The following RSRP1 variants were observed in gnomAD, a reference collection of about 807,000 sequenced individuals.
RSRP1 encodes the protein arginine and serine rich protein 1.
Under a neutral mutation model 33.0 loss-of-function variants are expected in RSRP1, and 37 were observed. That is an observed-to-expected ratio of 1.12 (90% CI 0.86 to 1.48). RSRP1 has a LOEUF of 1.48. Ranked by LOEUF, RSRP1 falls within the 40% of genes most tolerant of loss-of-function variation. The pLI, the probability that RSRP1 is intolerant of heterozygous loss-of-function variation, is 0.00. For synonymous variants in RSRP1, 167 were observed against 158.7 expected, an observed-to-expected ratio of 1.05 and a Z score of -0.40; for missense variants, 402 against 385.3, an observed-to-expected ratio of 1.04 and a Z score of -0.36.
chr1:25,254,825 T>C (rs1335424657), intron 1 of RSRP1, among the ~76,000 whole-genome samples: 1 of 152,200 alleles, frequency 6.6e-6, no homozygotes, highest in Non-Finnish European at 1.5e-5. Context: ...GATATGTATT[T>C]GTCAATATTA....
rs546926765 is a variant in RSRP1 at position 25,328,949 on chromosome 1, G to C, written c.-67+9029C>G. 1.1e-4 allele frequency: 148 copies of C among 1,318,486 alleles called. 13 individuals carry two copies. The African/African-American group carries it at 1.9e-3, about 17-fold the overall frequency. 81.7% of individuals were successfully genotyped at this position (1,318,486 alleles called of 1,614,324 possible). A position where few individuals can be genotyped will look rare whatever the true frequency, so the allele number is the denominator to read the frequency against. Reference sequence around the variant, plus strand: ...AGCAAAAGCATCCAAGAAAAACAAGGCCTGTTCAAAAACAAGACAACTTCC... The same window carrying C: ...AGCAAAAGCATCCAAGAAAAACAAGCCCTGTTCAAAAACAAGACAACTTCC... On this transcript the variant is annotated intron_variant, in intron 1 of 1. Coordinates refer to the RSRP1 transcript ENST00000561867.
chr1:25,321,378 C>T (rs1644689778), intron 1 of RSRP1, among the ~76,000 whole-genome samples: 1 of 122,872 alleles, frequency 8.1e-6, no homozygotes, highest in Non-Finnish European at 1.9e-5. Context: ...TCTACAGAAT[C>T]GGCCAGGTGT....
At chr1:25,252,809 AC>A (rs1356673886) in intron 1 of RSRP1, among the ~76,000 whole-genome samples, 1 of 151,898 alleles carries the variant, frequency 6.6e-6, no homozygotes, top group Non-Finnish European at 1.5e-5. Flanking sequence ...TGCTGGGATT[AC>A]AGGCATGAGC....
chr1:25,255,822 C>G (rs974805004), intron 1 of RSRP1, among the ~76,000 whole-genome samples: 1 of 152,100 alleles, frequency 6.6e-6, no homozygotes, highest in Non-Finnish European at 1.5e-5. Context: ...ACAGAGTTCG[C>G]TCCTGTGGGA....
At position 25,286,871 on chromosome 1, in the gene RSRP1, T is replaced by TTACCTGAGGTCAGGAGTCCGAGACC. The variant is rs1642062720; in HGVS notation, c.-66-39867_-66-39843dup. 1.5e-5 allele frequency among the ~76,000 whole-genome samples: 2 copies of TTACCTGAGGTCAGGAGTCCGAGACC among 134,036 alleles called. 1 individual carries two copies. The highest frequency in any genetic ancestry group is 5.2e-5 in the African/African-American group (2 of 38,542). The allele number at this position is 134,036 out of a possible 152,430, so 87.9% of individuals were successfully genotyped here. A position where few individuals can be genotyped will look rare whatever the true frequency, so the allele number is the denominator to read the frequency against. On this transcript the variant is annotated intron_variant, in intron 1 of 1. Transcript: ENST00000561867. ...TACTTTAGGAGGCCTAGCAGGTGGA[T>TTACCTGAGGTCAGGAGTCCGAGACC]TACCTGAGGTCAGGAGTCCGAGACC... is the stretch of plus-strand genomic sequence containing the variant.
Position 25,287,951 on chromosome 1 carries a change from G to A in RSRP1, c.-66-40922C>T, listed in dbSNP as rs71652370. 2.8e-4 allele frequency among the ~76,000 whole-genome samples: 37 copies of A among 132,370 alleles called. 8 individuals are homozygous for A. Among genetic ancestry groups the A allele is most frequent in the Non-Finnish European group, 4.3e-4 (24 of 55,788 alleles). 86.8% of individuals were successfully genotyped at this position (132,370 alleles called of 152,430 possible). A position where few individuals can be genotyped will look rare whatever the true frequency, so the allele number is the denominator to read the frequency against. On this transcript the variant is annotated intron_variant, in intron 1 of 1. Coordinates refer to the RSRP1 transcript ENST00000561867. ...TGGGTCAGGTTGGTCTGGAACTCCC[G>A]ACCTCAAGTGATCCACCTGCCTAGG... is the stretch of plus-strand genomic sequence containing the variant.
chr1:25,260,800 T>A (rs1029855987), intron 1 of RSRP1, among the ~76,000 whole-genome samples: 7 of 132,712 alleles, frequency 5.3e-5, no homozygotes, highest in Non-Finnish European at 1.1e-4. Flanking sequence ...GTCATCTTCC[T>A]TTTTTTTTTT....
At chr1:25,247,234 C>G (rs1213994076) in intron 1 of RSRP1, 75 bp downstream of exon 1, 1 of 423,430 alleles carries the variant, frequency 2.4e-6, no homozygotes, top group Non-Finnish European at 4.2e-6. Context: ...ACGCGGGGCC[C>G]GGCACGTTTC....
At position 25,242,534 on chromosome 1, in the gene RSRP1, C is replaced by T. The variant is rs192639470; in HGVS notation, c.*55G>A. ...AAGGGATGGGATAATGCTAGAAACA[C>T]TAACTTGCAATAAAGTGCAGTTTTC... On this transcript the variant is annotated 3_prime_UTR_variant, in exon 5 of 5. Transcript: ENST00000243189. 1.4e-5 allele frequency: 16 copies of T among 1,105,288 alleles called. No individual in the cohort carries two copies. In the Admixed American group the frequency reaches 3.2e-4, roughly 22 times the overall value. The allele number at this position is 1,105,288 out of a possible 1,614,324, so 68.5% of individuals were successfully genotyped here.
chr1:25,246,572 T>C lies in RSRP1; in HGVS notation c.392A>G (p.Tyr131Cys). Residue 131 changes from tyrosine to cysteine, a missense_variant, in exon 2 of 5, where the codon TAC becomes TGC. Tyr to Cys is a radical substitution (Grantham distance 194, BLOSUM62 -2). Transcript: ENST00000243189. ...SRGRSYCGRA[Y>C]AIARGQRYYG... ...GTAGCGCTGTCCCCGCGCGATCGCG[T>C]ACGCCCTTCCGCAGTACGACCTTCC... 1.2e-6 allele frequency: 2 copies of C among 1,614,160 alleles called. No individual in the cohort carries two copies.
At chr1:25,249,594 G>A (rs1364341219), upstream of RSRP1, among the ~76,000 whole-genome samples, 2 of 151,992 alleles carry the variant, frequency 1.3e-5, no homozygotes, top group South Asian at 2.1e-4. Context: ...TGCCTGCCTC[G>A]GCCTCCCAAA....
upstream of RSRP1, among the ~76,000 whole-genome samples, chr1:25,250,603 T>C (rs1639745552): frequency 6.6e-6 from 1 of 152,182 alleles, no homozygotes; most frequent in African/African-American, 2.4e-5. Flanking sequence ...GCAGATGTAA[T>C]TAAGGTTAAG....
Position 25,246,965 on chromosome 1 carries a change from T to G in RSRP1, c.-2A>C, listed in dbSNP as rs202183642. On this transcript the variant is annotated 5_prime_UTR_variant, in exon 2 of 5. Transcript: ENST00000243189. ...CATGTCGTTCACGTAGTTGGACATC[T>G]TCACCTGCGGCTTTAGCCTGCGCTT... The G allele has an allele frequency of 1.2e-5, 19 of 1,566,266 alleles. No homozygotes were observed. The Admixed American group carries it at 2.8e-4, about 23-fold the overall frequency.
rs556546935 is a variant in RSRP1, at chr1:25,277,691, T to A, written c.-66-30662A>T. 5.1e-4 allele frequency among the ~76,000 whole-genome samples: 66 copies of A among 128,972 alleles called. 5 individuals are homozygous for A. The highest frequency in any genetic ancestry group is 1.7e-3 in the African/African-American group (65 of 37,954). 84.6% of individuals were successfully genotyped at this position (128,972 alleles called of 152,430 possible). A position where few individuals can be genotyped will look rare whatever the true frequency, so the allele number is the denominator to read the frequency against. On this transcript the variant is annotated intron_variant, in intron 1 of 1. Coordinates refer to the RSRP1 transcript ENST00000561867. ...AGCTTTTATTATCAAAAGCTTTTTTTTTGAGACAGAGTTTTGCTCTTATTG... is the reference window on the plus strand; with the variant it reads ...AGCTTTTATTATCAAAAGCTTTTTTATTGAGACAGAGTTTTGCTCTTATTG...
chr1:25,293,905 T>C (rs954506579), intron 1 of RSRP1, among the ~76,000 whole-genome samples: 1 of 132,086 alleles, frequency 7.6e-6, no homozygotes, highest in African/African-American at 2.6e-5. Flanking sequence ...TGTTTAGTTA[T>C]ATTGTGAGTC....
Position 25,303,207 on chromosome 1 carries a change from G to C in RSRP1, c.-67+34771C>G. 11 of 1,022,356 alleles carry C rather than the reference G, an allele frequency of 1.1e-5. 3 individuals are homozygous for C. The South Asian group carries it at 1.5e-4, about 14-fold the overall frequency. 63.3% of individuals were successfully genotyped at this position (1,022,356 alleles called of 1,614,324 possible). ...CAGGGGAGAAGTGGTTTCAGGATCA[G>C]CAAAGCAGGGAGGATGTTACAGGGT... On this transcript the variant is annotated intron_variant, in intron 1 of 1. Coordinates refer to the RSRP1 transcript ENST00000561867.
chr1:25,316,232 G>A lies in RSRP1; in HGVS notation c.-67+21746C>T, dbSNP rs1462168225. On this transcript the variant is annotated intron_variant, in intron 1 of 1. Transcript: ENST00000561867. ...TCGTGGAAGTATGTTCAAGGGGTAG[G>A]GATGGGCAGGGGAGATGGGTCTGAA... Among the ~76,000 whole-genome samples, 12 of 129,870 alleles carry A rather than the reference G, an allele frequency of 9.2e-5. 3 individuals are homozygous for A. Among genetic ancestry groups the A allele is most frequent in the Non-Finnish European group, 1.8e-4 (10 of 55,052 alleles). 85.2% of individuals were successfully genotyped at this position (129,870 alleles called of 152,430 possible).
rs1002395644 is a variant in RSRP1 at position 25,335,800 on chromosome 1, G to C, written c.-67+2178C>G. On this transcript the variant is annotated intron_variant, in intron 1 of 1. Transcript: ENST00000561867. ...CCAACAGATACTGTAATCCACACTT[G>C]TTTTTTTTTTTTTGAGACAGAGTCT... The C allele has an allele frequency of 1.5e-4, 13 of 88,640 alleles. 2 individuals are homozygous for C. Among genetic ancestry groups the C allele is most frequent in the African/African-American group, 4.5e-4 (13 of 28,572 alleles). 5.5% of individuals were successfully genotyped at this position (88,640 alleles called of 1,614,324 possible). A position where few individuals can be genotyped will look rare whatever the true frequency, so the allele number is the denominator to read the frequency against.
chr1:25,256,147 C>CTTTT (rs58871827), intron 1 of RSRP1, among the ~76,000 whole-genome samples: 1 of 133,000 alleles, frequency 7.5e-6, no homozygotes, highest in Non-Finnish European at 1.6e-5. Context: ...CTATCCGGAT[C>CTTTT]TTTTTTTTTT....
Sources: gnomAD v4.1 joint callset for allele counts (sites outside exome capture counted in the v4.1 genomes callset) on GRCh38, gnomAD v4.1.1 for gene constraint, MANE v1.5 for transcripts, NCBI Gene and HGNC (gene_info 2026-07-23, HGNC 2026-07-21) for gene names.